DNAAF5: variants seen among roughly 807,000 people sequenced by gnomAD.
The protein encoded by DNAAF5 is HEAT repeat containing 2.
DNAAF5 carries 64 observed loss-of-function variants against 75.8 expected under a neutral mutation model. The observed-to-expected ratio is 0.84, with a 90% CI of 0.69 to 1.04. DNAAF5 has a LOEUF of 1.04. Ranked by LOEUF, DNAAF5 falls within the 50% of genes least tolerant of loss-of-function variation. The pLI, the probability that DNAAF5 is intolerant of heterozygous loss-of-function variation, is 0.00. For synonymous variants in DNAAF5, 657 were observed against 557.2 expected, an observed-to-expected ratio of 1.18 and a Z score of -2.52; for missense variants, 1,269 against 1,178.5, an observed-to-expected ratio of 1.08 and a Z score of -1.12.
In DNAAF5 at chr7:774,114, G is replaced by T. The variant is rs1457373980; in HGVS notation, c.1998G>T (p.Ala666=). The change falls in exon 10 of 13, where the codon GCG becomes GCT. Residue 666 remains alanine, a synonymous_variant. Coordinates refer to ENST00000297440, the MANE Select transcript of DNAAF5 (RefSeq NM_017802.4). ...DILAPNLQWH[A]GRTAAAIRTA... ...TGGCCCCCAATCTGCAGTGGCATGC[G>T]GGGAGGACAGCCGCGGCCATCCGCA... 1 of 1,613,314 alleles carries T rather than the reference G, an allele frequency of 6.2e-7. No homozygotes were observed. Among genetic ancestry groups the T allele is most frequent in the African/African-American group, 1.3e-5 (1 of 74,932 alleles).
At chr7:757,072 CTG>C in intron 6 of DNAAF5, 78 bp downstream of exon 6, 1 of 1,397,242 alleles carries the variant, frequency 7.2e-7, no homozygotes, top group Non-Finnish European at 9.7e-7. Flanking sequence ...AATGACATGT[CTG>C]TGGGTTGCCC....
intron 4 of DNAAF5, among the ~76,000 whole-genome samples, chr7:744,044 T>C (rs1470588584): frequency 6.6e-6 from 1 of 151,922 alleles, no homozygotes. Context: ...ACCCATTAAC[T>C]CGTCATTTAG....
intron 4 of DNAAF5, among the ~76,000 whole-genome samples, chr7:752,820 GTAAGGA>G (rs1274594683): frequency 6.6e-6 from 1 of 152,252 alleles, no homozygotes; most frequent in African/African-American, 2.4e-5. Flanking sequence ...GATGATGTAT[GTAAGGA>G]TTTATCTCCA....
chr7:736,497 T>G (rs1441813694), intron 2 of DNAAF5, among the ~76,000 whole-genome samples: 2 of 152,256 alleles, frequency 1.3e-5, no homozygotes, highest in African/African-American at 2.4e-5. Context: ...TCTTGAAATC[T>G]GTTTTGTCTT....
intron 1 of DNAAF5, chr7:727,585 T>C: frequency 5.3e-6 from 1 of 187,734 alleles, no homozygotes; most frequent in Non-Finnish European, 1.0e-5. Context: ...TCTACCCCCA[T>C]GTACCTGTTT....
At chr7:733,309 A>C (rs1781640438) in intron 2 of DNAAF5, among the ~76,000 whole-genome samples, 1 of 152,110 alleles carries the variant, frequency 6.6e-6, no homozygotes. Flanking sequence ...ATATAAATTT[A>C]GGATTATTTT....
At chr7:773,492 C>T (rs916972265) in intron 9 of DNAAF5, among the ~76,000 whole-genome samples, 3 of 152,206 alleles carry the variant, frequency 2.0e-5, no homozygotes, top group Admixed American at 6.5e-5. Flanking sequence ...AAGTCGCCGA[C>T]AGGGTGGGAA....
chr7:730,645 G>A (rs187661702), intron 2 of DNAAF5, among the ~76,000 whole-genome samples: 288 of 152,310 alleles, frequency 1.9e-3, no homozygotes, highest in African/African-American at 6.3e-3. Flanking sequence ...GGGTCCACCC[G>A]TAGGGCCGGC....
At position 727,084 on chromosome 7, in the gene DNAAF5, G is replaced by C. The variant is rs1230489001; in HGVS notation, c.364G>C (p.Ala122Pro). 1 of 1,046,926 alleles carries C rather than the reference G, an allele frequency of 9.6e-7. No homozygotes were observed. Among genetic ancestry groups the C allele is most frequent in the Non-Finnish European group, 1.1e-6 (1 of 872,804 alleles). The allele number at this position is 1,046,926 out of a possible 1,614,324, so 64.9% of individuals were successfully genotyped here. ...CCTGCCGCGCCTGCTGCCCGCGCTCGCCGCGCGCTTGGCCGGCCCCGTGCC... is the reference window on the plus strand; with the variant it reads ...CCTGCCGCGCCTGCTGCCCGCGCTCCCCGCGCGCTTGGCCGGCCCCGTGCC... ...DALPRLLPAL[A>P]ARLAGPVPAR... The change falls in exon 1 of 13, where the codon GCC (alanine) becomes CCC (proline). Residue 122 changes from alanine to proline, a missense_variant. Transcript: ENST00000297440.
Position 763,832 on chromosome 7 carries a change from C to T in DNAAF5, c.1641C>T (p.Ala547=). 6.2e-7 allele frequency: 1 copy of T among 1,613,488 alleles called. No individual in the cohort carries two copies. The highest frequency in any genetic ancestry group is 8.5e-7 in the Non-Finnish European group (1 of 1,180,028). Residue 547 remains alanine (A), a synonymous_variant, in exon 8 of 13, where the codon GCC becomes GCT. Coordinates refer to ENST00000297440, the MANE Select transcript of DNAAF5 (RefSeq NM_017802.4). ...DKAQETMDSL[A]MVEGVSSCQD... is the part of the protein sequence containing the mutation. Reference sequence around the variant, plus strand: ...CACAGGAGACGATGGACTCACTGGCCATGGTGGAGGGTGTCAGCAGCTGCC... The same window carrying T: ...CACAGGAGACGATGGACTCACTGGCTATGGTGGAGGGTGTCAGCAGCTGCC...
chr7:769,691 C>T (rs1778487762), intron 8 of DNAAF5, among the ~76,000 whole-genome samples: 1 of 152,224 alleles, frequency 6.6e-6, no homozygotes, highest in African/African-American at 2.4e-5. Flanking sequence ...GAGTTTTGCT[C>T]TTGGTGCCCA....
At chr7:737,495 T>C (rs947268542) in intron 2 of DNAAF5, among the ~76,000 whole-genome samples, 1 of 152,278 alleles carries the variant, frequency 6.6e-6, no homozygotes, top group African/African-American at 2.4e-5. Flanking sequence ...TGTTGTTCTG[T>C]GTGCTTACTG....
chr7:746,817 C>T (rs937205672), intron 4 of DNAAF5, among the ~76,000 whole-genome samples: 1 of 152,220 alleles, frequency 6.6e-6, no homozygotes, highest in Non-Finnish European at 1.5e-5. Flanking sequence ...ATCTCCACCG[C>T]CCAGAACTGC....
intron 6 of DNAAF5, 82 bp from the exon 7 acceptor site, chr7:761,671 G>T: frequency 7.0e-7 from 1 of 1,420,638 alleles, no homozygotes. Context: ...GGGGATTATG[G>T]GAGCTACAGT....
At chr7:782,555 T>C (rs1225947505) in intron 12 of DNAAF5, among the ~76,000 whole-genome samples, 1 of 135,816 alleles carries the variant, frequency 7.4e-6, no homozygotes, top group Non-Finnish European at 1.6e-5. Context: ...CCGCCTCCCG[T>C]CACGCGGCGT....
At chr7:741,897 G>A (rs1352494479) in intron 4 of DNAAF5, among the ~76,000 whole-genome samples, 4 of 152,178 alleles carry the variant, frequency 2.6e-5, no homozygotes, top group African/African-American at 7.2e-5. Flanking sequence ...AGCTCAGCAC[G>A]AGGGCCACGG....
intron 12 of DNAAF5, among the ~76,000 whole-genome samples, chr7:782,256 G>A (rs892855443): frequency 4.0e-5 from 6 of 150,442 alleles, no homozygotes; most frequent in East Asian, 3.9e-4. Context: ...GGATCTTCGC[G>A]GCGTGGCCAC....
intron 4 of DNAAF5, among the ~76,000 whole-genome samples, chr7:751,189 TTTTG>T (rs1488647920): frequency 1.3e-5 from 2 of 151,970 alleles, no homozygotes; most frequent in African/African-American, 4.8e-5. Context: ...ACCCTGGCTT[TTTTG>T]TTTTTTACAA....
At chr7:757,077 G>C in intron 6 of DNAAF5, 83 bp downstream of exon 6, 1 of 1,367,142 alleles carries the variant, frequency 7.3e-7, no homozygotes, top group African/African-American at 1.4e-5. Flanking sequence ...CATGTCTGTG[G>C]GTTGCCCTGT....
Sources: allele counts gnomAD v4.1 joint callset (sites outside exome capture counted in the v4.1 genomes callset), GRCh38; gene constraint gnomAD v4.1.1; transcripts MANE v1.5; gene names NCBI Gene and HGNC (gene_info 2026-07-23, HGNC 2026-07-21).